Variants in CDC42BPA observed in about 807,000 individuals in gnomAD.
CDC42BPA encodes serine/threonine-protein kinase MRCK alpha.
In CDC42BPA, 80 loss-of-function variants were observed where a neutral mutation model predicts 223.5. The ratio of observed to expected loss-of-function variants is 0.36; its 90% CI spans 0.30 to 0.43. The LOEUF (loss-of-function observed/expected upper bound fraction) is 0.43. Among genes scored for constraint, CDC42BPA ranks in the 20% least tolerant of loss-of-function variants. The pLI is 1.00. For synonymous variants in CDC42BPA, 694 were observed against 718.6 expected (o/e 0.97, Z 0.55); for missense variants, 1,743 against 2,099.9 (o/e 0.83, Z 3.32).
At chr1:227,151,764 T>C (rs1403782172) in intron 6 of CDC42BPA, among the ~76,000 whole-genome samples, 2 of 150,828 alleles carry the variant, frequency 1.3e-5, no homozygotes, top group African/African-American at 4.9e-5. Context: ...ATATCTTCTT[T>C]GGAGAAATGT....
intron 2 of CDC42BPA, among the ~76,000 whole-genome samples, chr1:227,235,708 AG>A (rs1403771688): frequency 6.6e-6 from 1 of 152,206 alleles, no homozygotes; most frequent in African/African-American, 2.4e-5. Flanking sequence ...TTTCCTAATA[AG>A]GACTTTCACA....
chr1:227,287,686 A>C (rs775551281), intron 1 of CDC42BPA, among the ~76,000 whole-genome samples: 1 of 152,222 alleles, frequency 6.6e-6, no homozygotes, highest in East Asian at 1.9e-4. Context: ...ATAAAAAAAT[A>C]AACTCAGTGC....
At chr1:227,087,818 T>G (rs924510677) in intron 16 of CDC42BPA, among the ~76,000 whole-genome samples, 1 of 152,250 alleles carries the variant, frequency 6.6e-6, no homozygotes, top group Non-Finnish European at 1.5e-5. Context: ...AATCAATTTC[T>G]TCATATTAGC....
intron 1 of CDC42BPA, among the ~76,000 whole-genome samples, chr1:227,273,698 G>A (rs1300641210): frequency 6.6e-6 from 1 of 151,872 alleles, no homozygotes; most frequent in African/African-American, 2.4e-5. Context: ...ATGTGGGTGG[G>A]ACTGAGACAG....
At chr1:227,110,081 A>T (rs998785698) in intron 14 of CDC42BPA, among the ~76,000 whole-genome samples, 1 of 152,154 alleles carries the variant, frequency 6.6e-6, no homozygotes, top group African/African-American at 2.4e-5. Context: ...ATGGATATGA[A>T]GGGCTGACTC....
chr1:227,308,913 A>G (rs1446042010), intron 1 of CDC42BPA, among the ~76,000 whole-genome samples: 2 of 152,226 alleles, frequency 1.3e-5, no homozygotes, highest in African/African-American at 4.8e-5. Context: ...ATAAAACTGA[A>G]AGTTAACACA....
At chr1:227,061,687 A>C (rs12407082) in intron 21 of CDC42BPA, among the ~76,000 whole-genome samples, 43,139 of 152,012 alleles carry the variant, frequency 0.28, 6,335 homozygotes, top group African/African-American at 0.35. Context: ...CCTTAAAATT[A>C]TCTGCTCTTC....
rs1025158932 is a variant in CDC42BPA, at chr1:227,317,156, C to T, written c.27G>A (p.Gln9=). MSGEVRLR[Q]LEQFILDGPA... The stretch of plus-strand genomic sequence containing the variant: ...GCCCGTCCAAAATAAACTGCTCCAA[C>T]TGCCTCAAACGCACTTCTCCAGACA... Residue 9 remains glutamine, a synonymous_variant, in exon 1 of 37, where the codon CAG becomes CAA. Transcript: ENST00000366766. The T allele has an allele frequency of 1.2e-6, 2 of 1,612,862 alleles. No homozygotes were observed. The highest frequency in any genetic ancestry group is 1.3e-5 in the African/African-American group (1 of 74,896).
At chr1:227,121,046 C>T (rs1455911310) in intron 11 of CDC42BPA, among the ~76,000 whole-genome samples, 2 of 152,136 alleles carry the variant, frequency 1.3e-5, no homozygotes, top group Non-Finnish European at 2.9e-5. Flanking sequence ...GGAGCTCAGG[C>T]GCTAATGCTC....
intron 11 of CDC42BPA, among the ~76,000 whole-genome samples, chr1:227,122,934 T>C (rs1382923251): frequency 6.6e-6 from 1 of 152,206 alleles, no homozygotes; most frequent in Non-Finnish European, 1.5e-5. Context: ...CCAGAGACTA[T>C]TATAAATACC....
chr1:227,260,408 G>T (rs910230068), intron 1 of CDC42BPA, among the ~76,000 whole-genome samples: 1 of 150,958 alleles, frequency 6.6e-6, no homozygotes, highest in Non-Finnish European at 1.5e-5. Context: ...ACCTTGCAAG[G>T]TACATCTTTC....
At chr1:227,139,889 T>G (rs2149610807) in intron 9 of CDC42BPA, 147 bp from the exon 10 acceptor site, 1 of 411,650 alleles carries the variant, frequency 2.4e-6, no homozygotes, top group Non-Finnish European at 4.2e-6. Flanking sequence ...CAGATCTGAA[T>G]ATCTTGCAGT....
chr1:227,123,234 G>A (rs952498881), intron 11 of CDC42BPA, among the ~76,000 whole-genome samples: 2 of 152,150 alleles, frequency 1.3e-5, no homozygotes, highest in African/African-American at 2.4e-5. Flanking sequence ...CCTAGGAGGC[G>A]GAGGCTGCAG....
intron 30 of CDC42BPA, among the ~76,000 whole-genome samples, chr1:227,027,186 T>C (rs976922012): frequency 2.0e-5 from 3 of 151,918 alleles, no homozygotes; most frequent in Admixed American, 2.0e-4. Context: ...ACAACAACAA[T>C]AACAACAAAA....
chr1:227,060,253 G>A (rs1443314287), intron 21 of CDC42BPA, among the ~76,000 whole-genome samples: 2 of 151,856 alleles, frequency 1.3e-5, no homozygotes, highest in African/African-American at 2.4e-5. Flanking sequence ...GGATGGTCTC[G>A]ATCTCCTGAC....
At position 227,034,691 on chromosome 1, in the gene CDC42BPA, T is replaced by C; in HGVS notation, c.3440A>G (p.Gln1147Arg). Residue 1147 changes from glutamine (Q) to arginine (R), a missense_variant, in exon 26 of 37, where the codon CAG (glutamine) becomes CGG (arginine). Gln to Arg is a conservative substitution (Grantham distance 43, BLOSUM62 1). Coordinates refer to ENST00000366766, the MANE Select transcript of CDC42BPA (RefSeq NM_001394014.1). ...LYDIAEGKAS[Q>R]PSVVISQVID... Reference sequence around the variant, plus strand: ...CACTTGACTAATGACAACACTGGGCTGAGATGCTTTTCCTTCAGCAATATC... The same window carrying C: ...CACTTGACTAATGACAACACTGGGCCGAGATGCTTTTCCTTCAGCAATATC... 1 of 1,613,716 alleles carries C rather than the reference T, an allele frequency of 6.2e-7. No individual in the cohort carries two copies.
chr1:227,301,091 G>GT (rs1691543607), intron 1 of CDC42BPA, among the ~76,000 whole-genome samples: 1 of 124,686 alleles, frequency 8.0e-6, no homozygotes, highest in Non-Finnish European at 1.7e-5. Flanking sequence ...AAGTATCTGT[G>GT]TATCACTAAC....
At chr1:227,219,563 TAA>T (rs1205246374) in intron 2 of CDC42BPA, 6 of 152,224 alleles carry the variant, frequency 3.9e-5, no homozygotes, top group African/African-American at 1.4e-4. Flanking sequence ...GCATTTCTTA[TAA>T]GAGTTACATA....
chr1:227,058,763 T>A (rs7411165), intron 21 of CDC42BPA, among the ~76,000 whole-genome samples: 4,802 of 152,216 alleles, frequency 0.032, 225 homozygotes, highest in African/African-American at 0.11. Flanking sequence ...ATATAAATAA[T>A]GTTACTGATA....
Sources: allele counts gnomAD v4.1 joint callset (sites outside exome capture counted in the v4.1 genomes callset), GRCh38; gene constraint gnomAD v4.1.1; transcripts MANE v1.5; gene names NCBI Gene and HGNC (gene_info 2026-07-23, HGNC 2026-07-21).